NAA50: variants seen among roughly 807,000 people sequenced by gnomAD.
NAA50 encodes the protein N-alpha-acetyltransferase 50.
NAA50 carries 7 observed loss-of-function variants against 20.7 expected under a neutral mutation model. The observed-to-expected ratio is 0.34, with a 90% confidence interval of 0.19 to 0.63. The LOEUF is 0.63. Among genes scored for constraint, NAA50 ranks in the 30% least tolerant of loss-of-function variants. NAA50 has a pLI of 0.75. For synonymous variants in NAA50, 54 were observed against 70.6 expected, an observed-to-expected ratio of 0.77 and a Z score of 1.18; for missense variants, 111 against 199.1, an observed-to-expected ratio of 0.56 and a Z score of 2.66.
intron 1 of NAA50, among the ~76,000 whole-genome samples, chr3:113,744,122 T>A (rs1337606792): frequency 6.6e-6 from 1 of 152,156 alleles, no homozygotes; most frequent in African/African-American, 2.4e-5. Flanking sequence ...ACTGAGTGCC[T>A]GACAATGAGT....
chr3:113,723,604 C>A, intron 2 of NAA50, 63 bp from the exon 3 acceptor site: 1 of 1,502,486 alleles, frequency 6.7e-7, no homozygotes, highest in South Asian at 1.3e-5. Context: ...AATCTTTTTC[C>A]CTTTTAAAGG....
At chr3:113,732,300 G>A (rs748276016) in intron 1 of NAA50, among the ~76,000 whole-genome samples, 1 of 152,170 alleles carries the variant, frequency 6.6e-6, no homozygotes, top group Non-Finnish European at 1.5e-5. Flanking sequence ...TGAAGATGAA[G>A]GAAGAGCCAG....
At chr3:113,732,543 T>G (rs967714378) in intron 1 of NAA50, among the ~76,000 whole-genome samples, 4 of 152,318 alleles carry the variant, frequency 2.6e-5, no homozygotes, top group Admixed American at 6.5e-5. Context: ...TAGGAATCTT[T>G]CCTTGCCCCT....
intron 1 of NAA50, among the ~76,000 whole-genome samples, chr3:113,730,254 C>T (rs1023094342): frequency 1.3e-5 from 2 of 152,036 alleles, no homozygotes; most frequent in Non-Finnish European, 2.9e-5. Context: ...GAGCCGAGAT[C>T]GCCACCACTG....
At chr3:113,722,798 C>T in intron 4 of NAA50, 108 bp downstream of exon 4, 2 of 1,265,492 alleles carry the variant, frequency 1.6e-6, no homozygotes, top group Non-Finnish European at 2.1e-6. Context: ...ACTACTTCCA[C>T]AGTGTTTCCA....
intron 1 of NAA50, among the ~76,000 whole-genome samples, chr3:113,739,925 G>C (rs1422692096): frequency 1.3e-5 from 2 of 151,942 alleles, no homozygotes; most frequent in Non-Finnish European, 2.9e-5. Flanking sequence ...AGACTTCCTT[G>C]ATATAACAAA....
intron 1 of NAA50, among the ~76,000 whole-genome samples, chr3:113,731,757 T>A (rs1453865571): frequency 6.6e-6 from 1 of 152,242 alleles, no homozygotes; most frequent in Non-Finnish European, 1.5e-5. Flanking sequence ...TCATGTGGCA[T>A]GATTTTGACG....
chr3:113,745,860 C>A lies in NAA50; in HGVS notation c.8+82G>T, dbSNP rs116752000. The A allele has an allele frequency of 2.7e-3, 4,025 of 1,487,936 alleles. 109 individuals are homozygous for A. In the African/African-American group the frequency reaches 0.05, roughly 18 times the overall value. The allele number at this position is 1,487,936 out of a possible 1,614,324, so 92.2% of individuals were successfully genotyped here. On this transcript the variant is annotated intron_variant, in intron 1 of 4. Transcript: ENST00000240922. ...CCCGTCTTCGCCCTGAATCTCTCCT[C>A]GCCTTTGCGGCTCTCCCCCTCTACA...
chr3:113,733,988 A>G (rs1346954968), intron 1 of NAA50, among the ~76,000 whole-genome samples: 1 of 152,130 alleles, frequency 6.6e-6, no homozygotes, highest in Admixed American at 6.5e-5. Flanking sequence ...AGGGAAAAGT[A>G]TAGGTCAAAC....
At chr3:113,732,335 T>C (rs1311537660) in intron 1 of NAA50, among the ~76,000 whole-genome samples, 2 of 152,182 alleles carry the variant, frequency 1.3e-5, no homozygotes, top group African/African-American at 4.8e-5. Flanking sequence ...AGGTTGCCTA[T>C]AGAAGCTGGA....
rs139872941 is a variant in NAA50, at chr3:113,721,806, T to C, written c.464A>G (p.Lys155Arg). 3.0e-4 allele frequency: 480 copies of C among 1,613,824 alleles called. 1 individual carries two copies. The highest frequency in any genetic ancestry group is 3.7e-4 in the Non-Finnish European group (442 of 1,179,870). Residue 155 changes from lysine (K) to arginine (R), a missense_variant, in exon 5 of 5, where the codon AAA (lysine) becomes AGA (arginine). Physicochemically the swap from Lys to Arg is conservative, Grantham distance 26. Transcript: ENST00000240922. ...ADAHVLQKNL[K>R]VPSGQNADVQ... ...ATCTGCATTCTGACCAGAAGGAACT[T>C]TGAGGTTTTTCTGCAGCACATGAGC...
In NAA50 at chr3:113,746,012, A is replaced by G. The variant is rs1048892; in HGVS notation, c.-63T>C. ...CAACGCCGTCGTAGTCGCCGCCCTT[A>G]GGTCTCCGCACCCTTAGCTCGGGCC... On this transcript the variant is annotated 5_prime_UTR_variant, in exon 1 of 5. Transcript: ENST00000240922. 531,266 of 1,596,858 alleles carry G rather than the reference A, an allele frequency of 0.33. 90,908 individuals are homozygous for G. Among genetic ancestry groups the G allele is most frequent in the East Asian group, 0.39 (17,362 of 44,196 alleles).
At chr3:113,726,964 G>A (rs1295567258) in intron 1 of NAA50, among the ~76,000 whole-genome samples, 1 of 152,056 alleles carries the variant, frequency 6.6e-6, no homozygotes, top group Non-Finnish European at 1.5e-5. Context: ...GCTGATTTTT[G>A]AATTTTTTGT....
In NAA50 at chr3:113,721,838, G is replaced by A. The variant is rs965880476; in HGVS notation, c.432C>T (p.Pro144=). 18 of 1,613,744 alleles carry A rather than the reference G, an allele frequency of 1.1e-5. No individual in the cohort carries two copies. The highest frequency in any genetic ancestry group is 3.3e-5 in the South Asian group (3 of 91,072). The change falls in exon 5 of 5, where the codon CCC becomes CCT. Residue 144 remains proline (P), a synonymous_variant. Transcript: ENST00000240922. ...TTTTCTGCAGCACATGAGCATCTGC[G>A]GGCTCTATCCTCTTATAGTAGTTCT... ...TKKNYYKRIE[P]ADAHVLQKNL...
At chr3:113,738,385 T>C (rs1490438966) in intron 1 of NAA50, among the ~76,000 whole-genome samples, 1 of 152,198 alleles carries the variant, frequency 6.6e-6, no homozygotes, top group African/African-American at 2.4e-5. Context: ...ATTCAACACA[T>C]CCAAAAGAGA....
Position 113,717,881 on chromosome 3 carries a change from A to G in NAA50, c.*3879T>C, listed in dbSNP as rs1341696669. The G allele has an allele frequency of 6.6e-6, 1 of 152,228 alleles. No homozygotes were observed. The highest frequency in any genetic ancestry group is 1.5e-5 in the Non-Finnish European group (1 of 68,088). 9.4% of individuals were successfully genotyped at this position (152,228 alleles called of 1,614,324 possible). ...ACACAACCTAACCAAAACTACCCTG[A>G]CCTTGGGAGTCAACGAAGCCCAGCA... On this transcript the variant is annotated 3_prime_UTR_variant, in exon 5 of 5. Transcript: ENST00000240922.
intron 1 of NAA50, among the ~76,000 whole-genome samples, chr3:113,733,313 T>C (rs1708294188): frequency 6.7e-6 from 1 of 150,202 alleles, no homozygotes; most frequent in Admixed American, 6.6e-5. Context: ...ATCTTTGCAA[T>C]TTTTCTAAAA....
At chr3:113,745,732 C>G (rs1708485615) in intron 1 of NAA50, 1 of 568,870 alleles carries the variant, frequency 1.8e-6, no homozygotes, top group Non-Finnish European at 3.0e-6. Context: ...TGAAGCCCCC[C>G]GGGTCTTGCC....
At chr3:113,740,679 A>T (rs1339470736) in intron 1 of NAA50, 1 of 165,428 alleles carries the variant, frequency 6.0e-6, no homozygotes, top group Non-Finnish European at 1.3e-5. Context: ...CCCAGCTGAG[A>T]ATCCGAGCTT....
Sources: allele counts gnomAD v4.1 joint callset (sites outside exome capture counted in the v4.1 genomes callset), GRCh38; gene constraint gnomAD v4.1.1; transcripts MANE v1.5; gene names NCBI Gene and HGNC (gene_info 2026-07-23, HGNC 2026-07-21).